The following ZNF93 variants were observed in gnomAD, a reference collection of about 807,000 sequenced individuals.
The protein encoded by ZNF93 is zinc finger protein 505.
Under a neutral mutation model 45.0 loss-of-function variants are expected in ZNF93, and 29 were observed. The observed-to-expected ratio is 0.64, with a 90% CI of 0.48 to 0.88. The LOEUF (loss-of-function observed/expected upper bound fraction) is 0.88, where lower values mean the gene tolerates loss of function less well. Among genes scored for constraint, ZNF93 ranks in the 40% least tolerant of loss-of-function variants. The pLI is 0.00. For missense variants in ZNF93, 578 were observed against 724.0 expected, an observed-to-expected ratio of 0.80 and a Z score of 2.31; for synonymous variants, 223 against 244.6, an observed-to-expected ratio of 0.91 and a Z score of 0.82.
intron 1 of ZNF93, chr19:19,909,433 T>G (rs2063301691): frequency 1.3e-5 from 2 of 152,266 alleles, no homozygotes; most frequent in African/African-American, 4.8e-5. Flanking sequence ...ACTCCTGTTA[T>G]GAAGATGTGA....
intron 1 of ZNF93, among the ~76,000 whole-genome samples, chr19:19,905,214 TC>T (rs1386116067): frequency 6.6e-6 from 1 of 152,134 alleles, no homozygotes; most frequent in Non-Finnish European, 1.5e-5. Flanking sequence ...TTTTTTTTTT[TC>T]TTTTAGCTTT....
rs748693496 is a variant in ZNF93 at position 19,934,355 on chromosome 19, C to A, written c.1400C>A (p.Ser467Tyr). 1.2e-6 allele frequency: 2 copies of A among 1,613,020 alleles called. No homozygotes were observed. Among genetic ancestry groups the A allele is most frequent in the African/African-American group, 2.7e-5 (2 of 74,640 alleles). ...ECGKAFNQSS[S>Y]LTKHKKIHTG... ...GGCAAAGCTTTTAACCAGTCCTCAT[C>A]CCTTACTAAACATAAGAAAATTCAT... Residue 467 changes from serine (S) to tyrosine (Y), a missense_variant, in exon 4 of 4, where the codon TCC becomes TAC. By Grantham distance (144) the Ser-to-Tyr change is moderately radical. This residue lies in a region of ZNF93 where 446 missense variants were observed against 547.6 expected (regional missense o/e 0.81). Transcript: ENST00000343769.
At chr19:19,922,915 T>C (rs1282229127) in intron 3 of ZNF93, among the ~76,000 whole-genome samples, 1 of 152,264 alleles carries the variant, frequency 6.6e-6, no homozygotes, top group Admixed American at 6.5e-5. Flanking sequence ...AGTTTGATCG[T>C]CTGAAGCCTT....
At chr19:19,912,048 C>T (rs544768358) in intron 1 of ZNF93, among the ~76,000 whole-genome samples, 41 of 152,140 alleles carry the variant, frequency 2.7e-4, no homozygotes, top group African/African-American at 9.9e-4. Flanking sequence ...CGCGCTTGGC[C>T]GTATATTTTC....
chr19:19,911,587 T>A (rs546934518), intron 1 of ZNF93, among the ~76,000 whole-genome samples: 5 of 152,270 alleles, frequency 3.3e-5, no homozygotes, highest in East Asian at 3.9e-4. Flanking sequence ...CAGAAACTTT[T>A]AGTCTAGACT....
chr19:19,924,013 C>T (rs2063349307), intron 3 of ZNF93, among the ~76,000 whole-genome samples: 1 of 152,170 alleles, frequency 6.6e-6, no homozygotes, highest in Non-Finnish European at 1.5e-5. Context: ...GTTGCTCACA[C>T]TGGGAGCTGT....
intron 1 of ZNF93, among the ~76,000 whole-genome samples, chr19:19,905,300 T>A (rs2063289347): frequency 6.6e-6 from 1 of 152,154 alleles, no homozygotes; most frequent in Admixed American, 6.5e-5. Context: ...GTGTGCAGAT[T>A]ATTTTTTCAC....
At chr19:19,903,038 C>G (rs1406020568) in intron 1 of ZNF93, among the ~76,000 whole-genome samples, 1 of 152,120 alleles carries the variant, frequency 6.6e-6, no homozygotes, top group Non-Finnish European at 1.5e-5. Flanking sequence ...CGCGCCCGGC[C>G]TTTGGGAGGA....
At chr19:19,921,901 T>A (rs1196256891) in intron 3 of ZNF93, among the ~76,000 whole-genome samples, 1 of 152,240 alleles carries the variant, frequency 6.6e-6, no homozygotes, top group Non-Finnish European at 1.5e-5. Flanking sequence ...TTATCCAATT[T>A]GCCAGTCTTT....
At chr19:19,904,669 A>G (rs1268024079) in intron 1 of ZNF93, among the ~76,000 whole-genome samples, 1 of 152,178 alleles carries the variant, frequency 6.6e-6, no homozygotes, top group Non-Finnish European at 1.5e-5. Context: ...GAAAAAGGAT[A>G]TCATGGAGCC....
At chr19:19,917,913 TTTCTTTCC>T (rs1021866342) in intron 3 of ZNF93, among the ~76,000 whole-genome samples, 2 of 116,836 alleles carry the variant, frequency 1.7e-5, no homozygotes, top group African/African-American at 1.2e-4. Flanking sequence ...TTTCAGTGAC[TTTCTTTCC>T]TTCCTTCCTT....
chr19:19,918,107 C>T (rs567468242), intron 3 of ZNF93, among the ~76,000 whole-genome samples: 1 of 151,940 alleles, frequency 6.6e-6, no homozygotes, highest in Non-Finnish European at 1.5e-5. Flanking sequence ...CCCGTCCCCC[C>T]ACCCCACAAC....
intron 1 of ZNF93, among the ~76,000 whole-genome samples, chr19:19,903,274 T>C (rs1387684049): frequency 6.6e-6 from 1 of 151,680 alleles, no homozygotes; most frequent in Admixed American, 6.6e-5. Flanking sequence ...GAATGGCAAA[T>C]GGAGGGTGAA....
intron 1 of ZNF93, among the ~76,000 whole-genome samples, chr19:19,902,966 C>T (rs1212369351): frequency 1.3e-5 from 2 of 152,030 alleles, no homozygotes; most frequent in Non-Finnish European, 2.9e-5. Flanking sequence ...GTCTCGATCT[C>T]ATGACCTCAT....
intron 2 of ZNF93, 151 bp from the exon 3 acceptor site, chr19:19,916,409 T>C (rs2063323909): frequency 3.1e-6 from 2 of 635,700 alleles, no homozygotes; most frequent in Non-Finnish European, 5.1e-6. Flanking sequence ...ATTGAAAGTA[T>C]TGTTTAAATA....
chr19:19,924,775 A>G (rs1599571816), intron 3 of ZNF93, among the ~76,000 whole-genome samples: 2 of 151,772 alleles, frequency 1.3e-5, no homozygotes, highest in South Asian at 2.1e-4. Flanking sequence ...TTTTTAGTAG[A>G]GAGGGGGTTT....
rs769851943 is a variant in ZNF93 at position 19,916,607 on chromosome 19, A to G, written c.178A>G (p.Lys60Glu). 3 of 1,612,106 alleles carry G rather than the reference A, an allele frequency of 1.9e-6. No individual in the cohort carries two copies. The highest frequency in any genetic ancestry group is 2.5e-6 in the Non-Finnish European group (3 of 1,179,418). ...PDLIAHLEQG[K>E]KPLTMKRHEM... ...CCTGATCGCCCATCTGGAGCAAGGA[A>G]AAAAACCTTTGACTATGAAGAGACA... The change falls in exon 3 of 4, where the codon AAA (lysine) becomes GAA (glutamate). Residue 60 changes from lysine to glutamate, a missense_variant. By Grantham distance (56) the Lys-to-Glu change is moderately conservative. This residue lies in a region of ZNF93 where 446 missense variants were observed against 547.6 expected (regional missense o/e 0.81). Transcript: ENST00000343769.
At chr19:19,932,845 TG>T in intron 3 of ZNF93, 1 of 160,880 alleles carries the variant, frequency 6.2e-6, no homozygotes, top group African/African-American at 2.4e-5. Flanking sequence ...CTTTTAAATT[TG>T]TTGTTTTTAT....
At chr19:19,901,918 C>A (rs1403981035) in intron 1 of ZNF93, among the ~76,000 whole-genome samples, 1 of 152,080 alleles carries the variant, frequency 6.6e-6, no homozygotes, top group Non-Finnish European at 1.5e-5. Context: ...AGTGAAACCC[C>A]GTCTCTACTA....
Sources: gnomAD v4.1 joint callset for allele counts (sites outside exome capture counted in the v4.1 genomes callset) on GRCh38, gnomAD v4.1.1 for gene constraint, gnomAD v4.1.1 regional missense constraint, MANE v1.5 for transcripts, NCBI Gene and HGNC (gene_info 2026-07-23, HGNC 2026-07-21) for gene names.